PRKCA: variants seen among roughly 807,000 people sequenced by gnomAD.
PRKCA encodes protein kinase C alpha type.
PRKCA carries 27 observed loss-of-function variants against 87.0 expected under a neutral mutation model. That is an observed-to-expected ratio of 0.31 (90% CI 0.23 to 0.43). The LOEUF is 0.43. Among genes scored for constraint, PRKCA ranks in the 20% least tolerant of loss-of-function variants. The pLI, the probability that PRKCA is intolerant of heterozygous loss-of-function variation, is 1.00. For synonymous variants in PRKCA, 329 were observed against 311.1 expected, an observed-to-expected ratio of 1.06 and a Z score of -0.61; for missense variants, 518 against 852.3, an observed-to-expected ratio of 0.61 and a Z score of 4.88.
intron 2 of PRKCA, among the ~76,000 whole-genome samples, chr17:66,324,390 T>G (rs1905852494): frequency 6.8e-6 from 1 of 146,054 alleles, no homozygotes; most frequent in Non-Finnish European, 1.5e-5. Flanking sequence ...TCATCTGAGG[T>G]CAGGAGTTCG....
intron 2 of PRKCA, among the ~76,000 whole-genome samples, chr17:66,444,174 A>C (rs1174833156): frequency 6.6e-6 from 1 of 152,190 alleles, no homozygotes; most frequent in African/African-American, 2.4e-5. Context: ...ATACCATCCA[A>C]GTTATCAGGA....
chr17:66,786,604 C>G (rs8073185), intron 14 of PRKCA, among the ~76,000 whole-genome samples: 43,697 of 152,114 alleles, frequency 0.29, 6,752 homozygotes, highest in African/African-American at 0.4. Flanking sequence ...AAACATTACT[C>G]AAAAACACTT....
At chr17:66,677,693 G>C (rs969056898) in intron 5 of PRKCA, among the ~76,000 whole-genome samples, 2 of 152,202 alleles carry the variant, frequency 1.3e-5, no homozygotes, top group Admixed American at 6.5e-5. Context: ...GAGCAGGTTT[G>C]TTAACATCTG....
At chr17:66,560,168 T>C (rs1968635132) in intron 3 of PRKCA, among the ~76,000 whole-genome samples, 1 of 151,968 alleles carries the variant, frequency 6.6e-6, no homozygotes, top group Non-Finnish European at 1.5e-5. Context: ...GAGAGAGGCA[T>C]ACCCCCAGAG....
chr17:66,722,845 G>A (rs769142332), intron 8 of PRKCA, among the ~76,000 whole-genome samples: 3 of 152,166 alleles, frequency 2.0e-5, no homozygotes, highest in Non-Finnish European at 2.9e-5. Context: ...GAAAAAAAGA[G>A]CATGCTACAG....
rs71160580 is a variant in PRKCA, at chr17:66,587,895, G to GTATATATA, written c.289-53430_289-53423dup. ...TGTGTGTGTGTGTGTGTGTGTGTGTGTATATATATATATATATATATATAT... is the reference window on the plus strand; with the variant it reads ...TGTGTGTGTGTGTGTGTGTGTGTGTGTATATATATATATATATATATATATATATATAT... On this transcript the variant is annotated intron_variant, in intron 3 of 16. Transcript: ENST00000413366. Among the ~76,000 whole-genome samples, 181 of 85,316 alleles carry GTATATATA rather than the reference G, an allele frequency of 2.1e-3. 7 individuals are homozygous for GTATATATA. Among genetic ancestry groups the GTATATATA allele is most frequent in the East Asian group, 8.1e-3 (23 of 2,852 alleles). The allele number at this position is 85,316 out of a possible 152,430, so 56.0% of individuals were successfully genotyped here. A position where few individuals can be genotyped will look rare whatever the true frequency, so the allele number is the denominator to read the frequency against.
chr17:66,532,654 C>A (rs1212466439), intron 3 of PRKCA, among the ~76,000 whole-genome samples: 1 of 152,078 alleles, frequency 6.6e-6, no homozygotes, highest in East Asian at 1.9e-4. Context: ...CCACTGCGCC[C>A]GGCCCATCCT....
At chr17:66,615,219 C>G (rs1970484017) in intron 3 of PRKCA, among the ~76,000 whole-genome samples, 1 of 152,184 alleles carries the variant, frequency 6.6e-6, no homozygotes. Flanking sequence ...CCACTAATAT[C>G]TCATTTGTTC....
chr17:66,626,442 A>G (rs1412397755), intron 3 of PRKCA, among the ~76,000 whole-genome samples: 4 of 149,296 alleles, frequency 2.7e-5, no homozygotes, highest in African/African-American at 9.9e-5. Flanking sequence ...ACTCACTGCA[A>G]CCTCCGCCTC....
At chr17:66,641,815 T>C (rs1598838388) in intron 4 of PRKCA, among the ~76,000 whole-genome samples, 1 of 152,048 alleles carries the variant, frequency 6.6e-6, no homozygotes, top group East Asian at 1.9e-4. Context: ...CACATTTGGT[T>C]ATAGCTTCAA....
intron 5 of PRKCA, among the ~76,000 whole-genome samples, chr17:66,679,203 CAG>C (rs1169712719): frequency 2.0e-4 from 26 of 128,228 alleles, no homozygotes; most frequent in African/African-American, 7.8e-4. Context: ...TTCTTTGAGA[CAG>C]AGTCTTGCTC....
chr17:66,718,518 G>A (rs1253348904), intron 8 of PRKCA, among the ~76,000 whole-genome samples: 3 of 152,298 alleles, frequency 2.0e-5, no homozygotes, highest in Middle Eastern at 3.4e-3. Flanking sequence ...GGGTCTCACT[G>A]TGTTGACTAG....
intron 8 of PRKCA, among the ~76,000 whole-genome samples, chr17:66,695,660 G>A (rs560391077): frequency 3.3e-5 from 5 of 152,218 alleles, no homozygotes; most frequent in East Asian, 1.9e-4. Flanking sequence ...TACTGTAACC[G>A]TAACTTTTGC....
intron 3 of PRKCA, among the ~76,000 whole-genome samples, chr17:66,596,234 C>T (rs1969972521): frequency 6.6e-6 from 1 of 152,150 alleles, no homozygotes; most frequent in Admixed American, 6.5e-5. Context: ...GCGTATTTAC[C>T]GCTTTGTAAC....
chr17:66,710,383 C>G (rs1272117033), intron 8 of PRKCA, among the ~76,000 whole-genome samples: 1 of 151,420 alleles, frequency 6.6e-6, no homozygotes, highest in African/African-American at 2.5e-5. Context: ...TGTAGCACTT[C>G]CTGTGTGTAA....
chr17:66,399,716 T>G (rs1910905895), intron 2 of PRKCA, among the ~76,000 whole-genome samples: 1 of 152,240 alleles, frequency 6.6e-6, no homozygotes, highest in African/African-American at 2.4e-5. Flanking sequence ...TATTTGTCTT[T>G]TTGTGATTCG....
intron 2 of PRKCA, among the ~76,000 whole-genome samples, chr17:66,413,228 C>T (rs536469941): frequency 2.0e-4 from 30 of 152,280 alleles, no homozygotes; most frequent in Non-Finnish European, 1.9e-4. Flanking sequence ...ACTAGGGCAG[C>T]TCACAGAACT....
chr17:66,775,245 T>C, intron 14 of PRKCA: 1 of 984,602 alleles, frequency 1.0e-6, no homozygotes, highest in Non-Finnish European at 1.2e-6. Flanking sequence ...ACAGGTTCAT[T>C]CAAGGACACA....
In PRKCA at chr17:66,411,398, C is replaced by G. The variant is rs535591068; in HGVS notation, c.206-84803C>G. Among the ~76,000 whole-genome samples the G allele has an allele frequency of 2.0e-5, 3 of 152,170 alleles. No homozygotes were observed. The South Asian group carries it at 6.2e-4, about 32-fold the overall frequency. ...TTCTTAAGTCTTTAAAAACAGCAGT[C>G]TTTGGTCTTTTAGACACACTTAGAT... On this transcript the variant is annotated intron_variant, in intron 2 of 16. Coordinates refer to ENST00000413366, the MANE Select transcript of PRKCA (RefSeq NM_002737.3).
Sources: allele counts gnomAD v4.1 joint callset (sites outside exome capture counted in the v4.1 genomes callset), GRCh38; gene constraint gnomAD v4.1.1; transcripts MANE v1.5; gene names NCBI Gene and HGNC (gene_info 2026-07-23, HGNC 2026-07-21).